Variants in G3BP2 observed in about 807,000 individuals in gnomAD.
G3BP2 encodes the protein ras GTPase-activating protein-binding protein 2.
In G3BP2, 11 loss-of-function variants were observed where a neutral mutation model predicts 56.7. That is an observed-to-expected ratio of 0.19 (90% confidence interval 0.12 to 0.32). The LOEUF (loss-of-function observed/expected upper bound fraction) is 0.32, where lower values mean the gene tolerates loss of function less well. Ranked by LOEUF, G3BP2 falls within the 10% of genes least tolerant of loss-of-function variation. The pLI is 1.00. For synonymous variants in G3BP2, 165 were observed against 191.6 expected (o/e 0.86, Z 1.15); for missense variants, 340 against 610.9 (o/e 0.56, Z 4.67).
At chr4:75,684,426 AT>A (rs1718487814) in intron 3 of G3BP2, among the ~76,000 whole-genome samples, 1 of 151,838 alleles carries the variant, frequency 6.6e-6, no homozygotes, top group Non-Finnish European at 1.5e-5. Flanking sequence ...ATAAATAAAA[AT>A]AATAAAAATA....
At position 75,658,903 on chromosome 4, in the gene G3BP2, G is replaced by A. The variant is rs748527781; in HGVS notation, c.117C>T (p.Ser39=). The A allele has an allele frequency of 1.2e-6, 2 of 1,612,362 alleles. No individual in the cohort carries two copies. The highest frequency in any genetic ancestry group is 1.7e-6 in the Non-Finnish European group (2 of 1,178,520). ...YLHRFYGRNS[S]YVHGGVDASG... is the part of the protein sequence containing the mutation. ...TAGCATCTACTCCACCATGAACATA[G>A]GAAGAATTCCTGCCATAAAACCTGC... is the stretch of plus-strand genomic sequence containing the variant. Residue 39 remains serine, a synonymous_variant, in exon 3 of 12, where the codon TCC becomes TCT. Coordinates refer to ENST00000359707, the MANE Select transcript of G3BP2 (RefSeq NM_203505.3).
intron 3 of G3BP2, among the ~76,000 whole-genome samples, chr4:75,679,656 A>G (rs1276103636): frequency 6.6e-6 from 1 of 152,210 alleles, no homozygotes; most frequent in Non-Finnish European, 1.5e-5. Context: ...AGTTTGAGAG[A>G]ACAAAGGTTG....
At chr4:75,685,539 A>T (rs946219853) in intron 3 of G3BP2, among the ~76,000 whole-genome samples, 4 of 151,984 alleles carry the variant, frequency 2.6e-5, no homozygotes, top group African/African-American at 7.3e-5. Context: ...AGATCCTGAA[A>T]TTTGATGGTA....
chr4:75,676,336 A>ATTTTT (rs34017434), upstream of G3BP2, among the ~76,000 whole-genome samples: 42 of 92,078 alleles, frequency 4.6e-4, no homozygotes, highest in South Asian at 1.4e-3. Context: ...ATTGCCAATA[A>ATTTTT]TTTTTTTTTT....
At chr4:75,722,914 T>G (rs947624633) in intron 1 of G3BP2, among the ~76,000 whole-genome samples, 3 of 152,222 alleles carry the variant, frequency 2.0e-5, no homozygotes, top group Admixed American at 2.0e-4. Flanking sequence ...TATCCATCAA[T>G]ATCACCTTTT....
chr4:75,692,240 C>T (rs980266622), intron 3 of G3BP2, among the ~76,000 whole-genome samples: 1 of 152,108 alleles, frequency 6.6e-6, no homozygotes, highest in African/African-American at 2.4e-5. Flanking sequence ...TTCCTGGAAC[C>T]TTGGATTTGT....
In G3BP2 at chr4:75,642,912, A is replaced by G. The variant is rs1730950228; in HGVS notation, c.*2518T>C. 1 of 152,670 alleles carries G rather than the reference A, an allele frequency of 6.6e-6. No individual in the cohort carries two copies. Among genetic ancestry groups the G allele is most frequent in the South Asian group, 2.1e-4 (1 of 4,834 alleles). The allele number at this position is 152,670 out of a possible 1,614,324, so 9.5% of individuals were successfully genotyped here. A position where few individuals can be genotyped will look rare whatever the true frequency, so the allele number is the denominator to read the frequency against. ...TAGCATATAATGCTTAACACATTAC[A>G]GCAATAAAGATGGTAATCCATTGTC... On this transcript the variant is annotated 3_prime_UTR_variant, in exon 12 of 12. Transcript: ENST00000359707.
intron 3 of G3BP2, among the ~76,000 whole-genome samples, chr4:75,702,277 G>A (rs1187855533): frequency 1.3e-5 from 2 of 149,404 alleles, no homozygotes; most frequent in African/African-American, 2.5e-5. Flanking sequence ...CCAAGTAGCC[G>A]GGCTTACGGG....
intron 3 of G3BP2, among the ~76,000 whole-genome samples, chr4:75,706,533 G>A (rs927345115): frequency 6.6e-6 from 1 of 151,586 alleles, no homozygotes; most frequent in Non-Finnish European, 1.5e-5. Flanking sequence ...CAAAATTAGC[G>A]GGGCGTGGTG....
intron 7 of G3BP2, 147 bp from the exon 8 acceptor site, chr4:75,654,228 T>C (rs1031582475): frequency 7.8e-6 from 4 of 512,460 alleles, no homozygotes; most frequent in Non-Finnish European, 1.4e-5. Context: ...CACACACACA[T>C]GCCAGTCTAT....
upstream of G3BP2, chr4:75,673,680 T>C: frequency 1.7e-6 from 2 of 1,187,736 alleles, no homozygotes; most frequent in Middle Eastern, 6.4e-4. Context: ...GTCCCGAGGC[T>C]CCAGCCTTGC....
At chr4:75,717,867 G>A (rs571785474) in intron 3 of G3BP2, among the ~76,000 whole-genome samples, 15 of 152,050 alleles carry the variant, frequency 9.9e-5, no homozygotes, top group Middle Eastern at 3.4e-3. Context: ...TTGGCCAGGC[G>A]TGGTGGCTCA....
Position 75,643,947 on chromosome 4 carries a change from T to C in G3BP2, c.*1483A>G, listed in dbSNP as rs1034001929. 6 of 152,632 alleles carry C rather than the reference T, an allele frequency of 3.9e-5. No homozygotes were observed. Among genetic ancestry groups the C allele is most frequent in the African/African-American group, 1.4e-4 (6 of 41,446 alleles). 9.5% of individuals were successfully genotyped at this position (152,632 alleles called of 1,614,324 possible). On this transcript the variant is annotated 3_prime_UTR_variant, in exon 12 of 12. Coordinates refer to ENST00000359707, the MANE Select transcript of G3BP2 (RefSeq NM_203505.3). ...GCAGCTACAAACTTTGCTCACAGAATTGTTTAAAGATTCATGTAAAAATAA... is the reference window on the plus strand; with the variant it reads ...GCAGCTACAAACTTTGCTCACAGAACTGTTTAAAGATTCATGTAAAAATAA...
intron 8 of G3BP2, among the ~76,000 whole-genome samples, chr4:75,653,043 T>C (rs1329621010): frequency 1.3e-5 from 2 of 151,218 alleles, no homozygotes; most frequent in African/African-American, 4.9e-5. Flanking sequence ...TTTGTTAAGA[T>C]GGAACTCTGG....
chr4:75,645,923 A>G (rs1731181008), intron 11 of G3BP2, among the ~76,000 whole-genome samples: 1 of 151,816 alleles, frequency 6.6e-6, no homozygotes, highest in East Asian at 1.9e-4. Flanking sequence ...TGATACTCCC[A>G]CCTCAGCCTC....
chr4:75,697,349 T>C (rs1407917643), intron 3 of G3BP2, among the ~76,000 whole-genome samples: 1 of 148,770 alleles, frequency 6.7e-6, no homozygotes, highest in Non-Finnish European at 1.5e-5. Flanking sequence ...GATGATATGA[T>C]GTCTGGGATT....
chr4:75,706,599 C>A (rs1000467812), intron 3 of G3BP2, among the ~76,000 whole-genome samples: 3 of 151,160 alleles, frequency 2.0e-5, no homozygotes, highest in African/African-American at 7.3e-5. Context: ...ATCGCTTGAA[C>A]CTAGGAGGCA....
intron 3 of G3BP2, among the ~76,000 whole-genome samples, chr4:75,682,330 C>A (rs1734111498): frequency 6.6e-6 from 1 of 151,636 alleles, no homozygotes; most frequent in African/African-American, 2.4e-5. Flanking sequence ...GCAGGAAAAT[C>A]CCTTGAACCA....
chr4:75,651,774 C>T (rs1359172892), intron 8 of G3BP2, among the ~76,000 whole-genome samples: 2 of 152,116 alleles, frequency 1.3e-5, no homozygotes, highest in African/African-American at 4.8e-5. Context: ...GAAGTAAGTA[C>T]AGAACCATCA....
Sources: allele counts gnomAD v4.1 joint callset (sites outside exome capture counted in the v4.1 genomes callset), GRCh38; gene constraint gnomAD v4.1.1; transcripts MANE v1.5; gene names NCBI Gene and HGNC (gene_info 2026-07-23, HGNC 2026-07-21).